The following TRIM24 variants were observed in gnomAD, a reference collection of about 807,000 sequenced individuals.
TRIM24 encodes tripartite motif containing 24, also known as transcription intermediary factor 1-alpha.
In TRIM24, 29 loss-of-function variants were observed where a neutral mutation model predicts 123.9. The ratio of observed to expected loss-of-function variants is 0.23; its 90% CI spans 0.17 to 0.32. The LOEUF (loss-of-function observed/expected upper bound fraction) is 0.32. Among genes scored for constraint, TRIM24 ranks in the 10% least tolerant of loss-of-function variants. TRIM24 has a pLI of 1.00. For missense variants in TRIM24, 932 were observed against 1,295.3 expected (o/e 0.72, Z 4.31); for synonymous variants, 456 against 461.1 (o/e 0.99, Z 0.14).
chr7:138,501,887 C>CAAAAAAAAAAAA (rs561303066), intron 1 of TRIM24, among the ~76,000 whole-genome samples: 28 of 136,536 alleles, frequency 2.1e-4, no homozygotes, highest in African/African-American at 3.6e-4. Flanking sequence ...GACTCCGTCT[C>CAAAAAAAAAAAA]AAAAAAAAAA....
intron 1 of TRIM24, chr7:138,461,131 A>G (rs1164820401): frequency 8.8e-6 from 6 of 685,036 alleles, no homozygotes; most frequent in Non-Finnish European, 1.6e-5. Context: ...TGTGGACTTG[A>G]CCGCGCCGCC....
At chr7:138,536,091 A>C (rs1325072138) in intron 6 of TRIM24, among the ~76,000 whole-genome samples, 1 of 151,656 alleles carries the variant, frequency 6.6e-6, no homozygotes, top group African/African-American at 2.4e-5. Flanking sequence ...ACTTCTCTAC[A>C]CTGGTTATTC....
intron 1 of TRIM24, among the ~76,000 whole-genome samples, chr7:138,488,030 T>G (rs1795687473): frequency 6.6e-6 from 1 of 152,282 alleles, no homozygotes; most frequent in African/African-American, 2.4e-5. Context: ...AGACTGTTAT[T>G]GGTCTATTCA....
rs1798012296 is a variant in TRIM24 at position 138,586,038 on chromosome 7, T to C, written c.*1087T>C. 1 of 435,988 alleles carries C rather than the reference T, an allele frequency of 2.3e-6. No individual in the cohort carries two copies. The highest frequency in any genetic ancestry group is 2.1e-5 in the African/African-American group (1 of 48,740). 27.0% of individuals were successfully genotyped at this position (435,988 alleles called of 1,614,324 possible). A position where few individuals can be genotyped will look rare whatever the true frequency, so the allele number is the denominator to read the frequency against. ...CTGAAGCATCTATCTCATGTTTTTC[T>C]TTTGAGAGTCAGAACATCAAACTTA... On this transcript the variant is annotated 3_prime_UTR_variant, in exon 19 of 19. Transcript: ENST00000343526.
intron 6 of TRIM24, among the ~76,000 whole-genome samples, chr7:138,529,866 T>C (rs1016511481): frequency 5.9e-5 from 9 of 152,188 alleles, no homozygotes; most frequent in African/African-American, 1.7e-4. Flanking sequence ...ATAATATTAA[T>C]TGCATGATTT....
chr7:138,541,911 T>A (rs1352099803), intron 7 of TRIM24, among the ~76,000 whole-genome samples: 1 of 152,328 alleles, frequency 6.6e-6, no homozygotes, highest in African/African-American at 2.4e-5. Context: ...ATGGTTTCTT[T>A]CCATAAATCT....
intron 4 of TRIM24, among the ~76,000 whole-genome samples, chr7:138,522,954 G>A: frequency 6.6e-6 from 1 of 152,092 alleles, no homozygotes; most frequent in East Asian, 1.9e-4. Context: ...AATAACTGAA[G>A]CCATATTTGG....
intron 1 of TRIM24, among the ~76,000 whole-genome samples, chr7:138,482,445 A>T (rs1795550781): frequency 6.6e-6 from 1 of 151,818 alleles, no homozygotes; most frequent in Non-Finnish European, 1.5e-5. Context: ...CACTTTGGGG[A>T]GAATATTATT....
chr7:138,538,846 G>T, intron 7 of TRIM24, 43 bp downstream of exon 7: 2 of 1,548,350 alleles, frequency 1.3e-6, no homozygotes, highest in Non-Finnish European at 1.8e-6. Context: ...AAAATGCACA[G>T]TAAAACAATG....
chr7:138,551,751 A>G (rs999519760), intron 8 of TRIM24, among the ~76,000 whole-genome samples: 4 of 152,186 alleles, frequency 2.6e-5, no homozygotes, highest in Non-Finnish European at 5.9e-5. Context: ...CTTGTCATTG[A>G]TAAAGGATTT....
At chr7:138,572,439 G>A (rs2116673971) in intron 11 of TRIM24, among the ~76,000 whole-genome samples, 1 of 126,000 alleles carries the variant, frequency 7.9e-6, no homozygotes, top group African/African-American at 3.0e-5. Context: ...CGATTTCCCT[G>A]CCCCCGAACC....
At chr7:138,540,435 C>G (rs1796980088) in intron 7 of TRIM24, among the ~76,000 whole-genome samples, 2 of 152,160 alleles carry the variant, frequency 1.3e-5, no homozygotes, top group Admixed American at 1.3e-4. Context: ...CAACAATGAT[C>G]ACAGCATCTT....
At chr7:138,531,137 T>G (rs1366963176) in intron 6 of TRIM24, among the ~76,000 whole-genome samples, 1 of 150,292 alleles carries the variant, frequency 6.7e-6, no homozygotes, top group Non-Finnish European at 1.5e-5. Flanking sequence ...TTATTATTAT[T>G]ATTATACTTT....
chr7:138,479,742 A>G (rs1173197920), intron 1 of TRIM24, among the ~76,000 whole-genome samples: 2 of 151,886 alleles, frequency 1.3e-5, no homozygotes, highest in Non-Finnish European at 2.9e-5. Flanking sequence ...TCCCGATCTC[A>G]GGTGATCTGC....
chr7:138,554,606 A>G lies in TRIM24; in HGVS notation c.1262-92A>G, dbSNP rs1374994875. On this transcript the variant is annotated intron_variant, in intron 8 of 18. Coordinates refer to ENST00000343526, the MANE Select transcript of TRIM24 (RefSeq NM_015905.3). This position sits in a 1 kb window ranked among gnomAD's most constrained non-coding sequence, Gnocchi z 4.5. The stretch of plus-strand genomic sequence containing the variant: ...CATGAGATCAGAGAATTTCTTGGCA[A>G]TTTTGAAGTTCTGCAAAAATAGCTT... 7.1e-7 allele frequency: 1 copy of G among 1,403,148 alleles called. No homozygotes were observed. Among genetic ancestry groups the G allele is most frequent in the South Asian group, 1.4e-5 (1 of 73,010 alleles). 86.9% of individuals were successfully genotyped at this position (1,403,148 alleles called of 1,614,324 possible).
intron 12 of TRIM24, among the ~76,000 whole-genome samples, chr7:138,574,924 GTATT>G (rs1331989874): frequency 1.3e-5 from 2 of 152,058 alleles, no homozygotes; most frequent in Non-Finnish European, 2.9e-5. Flanking sequence ...TAGGCAGATC[GTATT>G]TATTAATATT....
Position 138,588,492 on chromosome 7 carries a change from G to A in TRIM24, c.*3541G>A, listed in dbSNP as rs1337029211. On this transcript the variant is annotated 3_prime_UTR_variant, in exon 19 of 19. Transcript: ENST00000343526. ...GAGGTGGGTAGATACCTGAGGTCAGGAGTTTGAGACCAGCCTGACCAACAT... is the reference window on the plus strand; with the variant it reads ...GAGGTGGGTAGATACCTGAGGTCAGAAGTTTGAGACCAGCCTGACCAACAT... 6.6e-6 allele frequency: 1 copy of A among 151,894 alleles called. No homozygotes were observed. Among genetic ancestry groups the A allele is most frequent in the Non-Finnish European group, 1.5e-5 (1 of 68,096 alleles). The allele number at this position is 151,894 out of a possible 1,614,324, so 9.4% of individuals were successfully genotyped here. A position where few individuals can be genotyped will look rare whatever the true frequency, so the allele number is the denominator to read the frequency against.
intron 15 of TRIM24, 132 bp downstream of exon 15, chr7:138,579,664 G>C (rs1401538139): frequency 7.0e-6 from 5 of 718,752 alleles, no homozygotes; most frequent in Non-Finnish European, 1.1e-5. Flanking sequence ...CCAATGAATA[G>C]TCTAGGTTTT....
chr7:138,537,465 A>G (rs1796915002), intron 6 of TRIM24, among the ~76,000 whole-genome samples: 1 of 135,186 alleles, frequency 7.4e-6, no homozygotes, highest in Admixed American at 8.7e-5. Context: ...TTTTAAAGGC[A>G]AATAAAAATA....
Sources: allele counts gnomAD v4.1 joint callset (sites outside exome capture counted in the v4.1 genomes callset), GRCh38; gene constraint gnomAD v4.1.1; non-coding constraint Gnocchi (gnomAD v3.1); transcripts MANE v1.5; gene names NCBI Gene and HGNC (gene_info 2026-07-23, HGNC 2026-07-21).